Variants in BAIAP2 observed in about 807,000 individuals in gnomAD.
BAIAP2 encodes BAR/IMD domain-containing adapter protein 2.
A neutral mutation model predicts 63.0 loss-of-function variants in BAIAP2; 18 were observed. The ratio of observed to expected loss-of-function variants is 0.29; its 90% CI spans 0.20 to 0.42. BAIAP2 has a LOEUF of 0.42. Among genes scored for constraint, BAIAP2 ranks in the 10% least tolerant of loss-of-function variants. The pLI is 1.00. For missense variants in BAIAP2, 610 were observed against 734.3 expected (o/e 0.83, Z 1.96); for synonymous variants, 386 against 307.6 (o/e 1.25, Z -2.67).
At chr17:81,078,460 C>T (rs372046153) in intron 3 of BAIAP2, among the ~76,000 whole-genome samples, 11 of 111,750 alleles carry the variant, frequency 9.8e-5, no homozygotes, top group South Asian at 6.2e-4. Context: ...GTGCGGGTGC[C>T]GTATTGGGTG....
At chr17:81,111,252 T>C (rs1371603785) in intron 13 of BAIAP2, among the ~76,000 whole-genome samples, 11 of 152,254 alleles carry the variant, frequency 7.2e-5, no homozygotes, top group African/African-American at 2.4e-4. Context: ...GGTCCTCTCC[T>C]GCCCTGCTGG....
intron 3 of BAIAP2, among the ~76,000 whole-genome samples, chr17:81,075,299 C>T (rs2053471188): frequency 6.6e-6 from 1 of 152,248 alleles, no homozygotes; most frequent in African/African-American, 2.4e-5. Flanking sequence ...CCTCACCTCC[C>T]TCCCCATCCC....
At chr17:81,110,897 C>G (rs373033158) in intron 13 of BAIAP2, 81 of 1,613,730 alleles carry the variant, frequency 5.0e-5, no homozygotes, top group Non-Finnish European at 6.7e-5. Context: ...CCAACTGAGC[C>G]TTGTGTTTCC....
chr17:81,082,434 T>C (rs964147086), intron 3 of BAIAP2, among the ~76,000 whole-genome samples: 1 of 152,138 alleles, frequency 6.6e-6, no homozygotes, highest in Non-Finnish European at 1.5e-5. Context: ...TGAGCAACTG[T>C]GTGCCAGGCA....
chr17:81,102,712 T>C (rs2058662646), intron 7 of BAIAP2, among the ~76,000 whole-genome samples: 1 of 126,588 alleles, frequency 7.9e-6, no homozygotes, highest in Non-Finnish European at 1.7e-5. Flanking sequence ...CAGCCACATG[T>C]AGAAGGGAAC....
In BAIAP2 at chr17:81,103,748, T is replaced by G. The variant is rs756243479; in HGVS notation, c.864+25T>G. Reference sequence around the variant, plus strand: ...GGTGAGTCTGTGGCCTCTGGAAAGCTTCACGGGTGTGGGTGGGAGGGCAGC... The same window carrying G: ...GGTGAGTCTGTGGCCTCTGGAAAGCGTCACGGGTGTGGGTGGGAGGGCAGC... On this transcript the variant is annotated intron_variant, in intron 8 of 13. Coordinates refer to ENST00000428708, the MANE Select transcript of BAIAP2 (RefSeq NM_001144888.2). 4 of 1,587,918 alleles carry G rather than the reference T, an allele frequency of 2.5e-6. No homozygotes were observed. The East Asian group carries it at 9.0e-5, about 36-fold the overall frequency.
Position 81,051,260 on chromosome 17 carries a change from C to T in BAIAP2, c.55-2408C>T, listed in dbSNP as rs548369583. Among the ~76,000 whole-genome samples the T allele has an allele frequency of 1.9e-4, 29 of 152,268 alleles. No homozygotes were observed. The East Asian group carries it at 1.9e-3, about 10-fold the overall frequency. On this transcript the variant is annotated intron_variant, in intron 1 of 13. Transcript: ENST00000428708. The stretch of plus-strand genomic sequence containing the variant: ...ATCCCCGTCCCTTTAGATCAGAGGC[C>T]TGCGTAGCACATGCCTCTCTTCCCC...
In BAIAP2 at chr17:81,035,164, G is replaced by A; in HGVS notation, c.-91G>A. On this transcript the variant is annotated 5_prime_UTR_variant, in exon 1 of 14. Transcript: ENST00000428708. ...ACGCCGGGCTCTGTGGTTCGGGTCCGCTTTCGTCTCCGTCCTGCTGCCGTT... is the reference window on the plus strand; with the variant it reads ...ACGCCGGGCTCTGTGGTTCGGGTCCACTTTCGTCTCCGTCCTGCTGCCGTT... 1.8e-6 allele frequency: 2 copies of A among 1,114,638 alleles called. No individual in the cohort carries two copies. The highest frequency in any genetic ancestry group is 2.4e-6 in the Non-Finnish European group (2 of 819,696). 69.0% of individuals were successfully genotyped at this position (1,114,638 alleles called of 1,614,324 possible).
intron 2 of BAIAP2, chr17:81,056,290 C>G (rs1339800244): frequency 6.6e-6 from 1 of 152,236 alleles, no homozygotes; most frequent in Non-Finnish European, 1.5e-5. Context: ...CTCTTCCTGG[C>G]TGGGTCTGAA....
At chr17:81,064,688 G>T (rs2051157724) in intron 3 of BAIAP2, among the ~76,000 whole-genome samples, 1 of 152,146 alleles carries the variant, frequency 6.6e-6, no homozygotes, top group Non-Finnish European at 1.5e-5. Context: ...CCGGCCTTTG[G>T]TGATGTGGGT....
At chr17:81,038,192 C>T (rs1598469957) in intron 1 of BAIAP2, among the ~76,000 whole-genome samples, 1 of 152,244 alleles carries the variant, frequency 6.6e-6, no homozygotes, top group Non-Finnish European at 1.5e-5. Context: ...ATCTGCCTCC[C>T]CCGGTGGCCT....
At chr17:81,070,693 C>T (rs1347384621) in intron 3 of BAIAP2, among the ~76,000 whole-genome samples, 1 of 152,202 alleles carries the variant, frequency 6.6e-6, no homozygotes, top group Non-Finnish European at 1.5e-5. Context: ...GCCTCATCTC[C>T]ACCCCTGTGT....
chr17:81,056,653 C>T (rs1299145633), intron 2 of BAIAP2, among the ~76,000 whole-genome samples: 1 of 152,238 alleles, frequency 6.6e-6, no homozygotes, highest in Admixed American at 6.5e-5. Flanking sequence ...TGTTTGGTTC[C>T]TCATGAGGGT....
intron 13 of BAIAP2, chr17:81,108,806 C>T (rs1402624482): frequency 3.3e-6 from 4 of 1,204,596 alleles, no homozygotes; most frequent in Non-Finnish European, 4.5e-6. Context: ...CTGCAGCCTC[C>T]TCTGCCCCAA....
intron 7 of BAIAP2, among the ~76,000 whole-genome samples, chr17:81,100,966 A>T (rs1028939660): frequency 2.6e-5 from 4 of 152,024 alleles, no homozygotes; most frequent in African/African-American, 9.7e-5. Flanking sequence ...GTGACCTCTG[A>T]GAGACCCCTC....
rs2058764319 is a variant in BAIAP2, at chr17:81,103,550, G to A, written c.691G>A (p.Ala231Thr). ...QKLPLWQQAC[A>T]DPSKIPERAV... ...GCTGCCGCTGTGGCAACAGGCCTGT[G>A]CCGACCCCAGCAAGATCCCGGAGCG... Residue 231 changes from alanine (A) to threonine (T), a missense_variant, in exon 8 of 14, where the codon GCC (alanine) becomes ACC (threonine). By Grantham distance (58) the Ala-to-Thr change is moderately conservative. Transcript: ENST00000428708. The A allele has an allele frequency of 1.9e-6, 3 of 1,597,636 alleles. No individual in the cohort carries two copies. The African/African-American group carries it at 4.0e-5, about 21-fold the overall frequency.
chr17:81,095,780 C>T (rs2057516136), intron 6 of BAIAP2, among the ~76,000 whole-genome samples: 1 of 152,168 alleles, frequency 6.6e-6, no homozygotes, highest in South Asian at 2.1e-4. Context: ...CTGGGTTTCT[C>T]TTGTGACCTG....
At chr17:81,102,581 C>T (rs370316873) in intron 7 of BAIAP2, among the ~76,000 whole-genome samples, 16 of 152,326 alleles carry the variant, frequency 1.1e-4, no homozygotes, top group African/African-American at 3.4e-4. Flanking sequence ...AGCCAGCCCT[C>T]GGGCTGTGGT....
At chr17:81,071,661 C>T (rs1290064725) in intron 3 of BAIAP2, among the ~76,000 whole-genome samples, 3 of 152,256 alleles carry the variant, frequency 2.0e-5, no homozygotes, top group Non-Finnish European at 4.4e-5. Flanking sequence ...CACTCGGTAG[C>T]AGCGCCCGTC....
Sources: allele counts gnomAD v4.1 joint callset (sites outside exome capture counted in the v4.1 genomes callset), GRCh38; gene constraint gnomAD v4.1.1; transcripts MANE v1.5; gene names NCBI Gene and HGNC (gene_info 2026-07-23, HGNC 2026-07-21).